The following DGCR2 variants were observed in gnomAD, a reference collection of about 807,000 sequenced individuals.
DGCR2 encodes DiGeorge syndrome critical region gene 2.
Under a neutral mutation model 51.6 loss-of-function variants are expected in DGCR2, and 24 were observed. That is an observed-to-expected ratio of 0.47 (90% confidence interval 0.34 to 0.65). The LOEUF (loss-of-function observed/expected upper bound fraction) is 0.65, where lower values mean the gene tolerates loss of function less well. Among genes scored for constraint, DGCR2 ranks in the 30% least tolerant of loss-of-function variants. DGCR2 has a pLI of 0.01. For synonymous variants in DGCR2, 340 were observed against 315.4 expected (o/e 1.08, Z -0.82); for missense variants, 765 against 772.1 (o/e 0.99, Z 0.11).
intron 1 of DGCR2, among the ~76,000 whole-genome samples, chr22:19,096,958 A>T (rs1237875390): frequency 6.6e-6 from 1 of 152,012 alleles, no homozygotes; most frequent in Non-Finnish European, 1.5e-5. Flanking sequence ...ACAGCCCTCC[A>T]AATCTACGCC....
intron 1 of DGCR2, among the ~76,000 whole-genome samples, chr22:19,090,050 A>AT (rs1341770405): frequency 6.6e-6 from 1 of 152,234 alleles, no homozygotes; most frequent in East Asian, 1.9e-4. Context: ...TTACCTAGAG[A>AT]TAAAAACTGT....
intron 9 of DGCR2, among the ~76,000 whole-genome samples, chr22:19,039,859 G>A (rs1028288359): frequency 6.6e-6 from 1 of 152,080 alleles, no homozygotes; most frequent in Admixed American, 6.5e-5. Flanking sequence ...GACTACAGCT[G>A]TGCCCACTAT....
In DGCR2 at chr22:19,048,404, G is replaced by T. The variant is rs763481561; in HGVS notation, c.1006+36C>A. 197 of 1,610,688 alleles carry T rather than the reference G, an allele frequency of 1.2e-4. 1 individual carries two copies. The South Asian group carries it at 2.1e-3, about 17-fold the overall frequency. The stretch of plus-strand genomic sequence containing the variant: ...ACGCCCAGCCTCCAGCCCCAAATAG[G>T]GAGGCTGACTTGGGACGTCCTATCA... On this transcript the variant is annotated intron_variant, in intron 7 of 9. Coordinates refer to ENST00000263196, the MANE Select transcript of DGCR2 (RefSeq NM_005137.3).
chr22:19,111,471 T>C (rs1347233940), intron 1 of DGCR2, among the ~76,000 whole-genome samples: 1 of 152,232 alleles, frequency 6.6e-6, no homozygotes, highest in Non-Finnish European at 1.5e-5. Flanking sequence ...CTGAGTTTCC[T>C]GTTCTTGCTT....
At chr22:19,064,757 C>T (rs548262166) in intron 4 of DGCR2, 91 bp downstream of exon 4, 13 of 1,270,712 alleles carry the variant, frequency 1.0e-5, no homozygotes, top group East Asian at 9.3e-5. Context: ...GCCAGCTGTG[C>T]TCCAGGAGTT....
At chr22:19,091,728 A>G (rs2854656) in intron 1 of DGCR2, among the ~76,000 whole-genome samples, 20,001 of 151,806 alleles carry the variant, frequency 0.13, 2,205 homozygotes, top group African/African-American at 0.3. Flanking sequence ...CCTGGCCAAC[A>G]TGGTGAATGG....
chr22:19,082,926 G>A (rs73158832), intron 2 of DGCR2, among the ~76,000 whole-genome samples: 28,820 of 151,702 alleles, frequency 0.19, 2,937 homozygotes, highest in South Asian at 0.31. Context: ...CCGATTCTAC[G>A]AAAACATGCA....
chr22:19,062,597 A>G (rs2238747), intron 5 of DGCR2, among the ~76,000 whole-genome samples: 64,369 of 151,680 alleles, frequency 0.42, 14,058 homozygotes, highest in African/African-American at 0.53. Context: ...CAGCTGGAGA[A>G]GGCACTGCTG....
chr22:19,040,331 A>G (rs971544270), intron 9 of DGCR2, among the ~76,000 whole-genome samples: 7 of 152,252 alleles, frequency 4.6e-5, no homozygotes, highest in Non-Finnish European at 8.8e-5. Flanking sequence ...CCCCAGCCTC[A>G]CAATGCCCAT....
At position 19,057,145 on chromosome 22, in the gene DGCR2, G is replaced by C; in HGVS notation, c.643C>G (p.Leu215Val). The change falls in exon 6 of 10, where the codon CTG becomes GTG. Residue 215 changes from leucine (L) to valine (V), a missense_variant. By Grantham distance (32) the Leu-to-Val change is conservative (BLOSUM62 1). Transcript: ENST00000263196. This position sits in a 1 kb window ranked among gnomAD's most constrained non-coding sequence, Gnocchi z 5.1. ...GAGGCAAAGATGGGGTCTGGGGGCA[G>C]GAACACCTCTGAAGAGCCTGTTGGG... ...VAFKGSSEVF[L>V]PPDPIFASAM... 1.2e-6 allele frequency: 2 copies of C among 1,606,606 alleles called. No homozygotes were observed. The highest frequency in any genetic ancestry group is 8.5e-7 in the Non-Finnish European group (1 of 1,176,626).
At chr22:19,082,803 G>A (rs962745574) in intron 2 of DGCR2, among the ~76,000 whole-genome samples, 2 of 151,764 alleles carry the variant, frequency 1.3e-5, no homozygotes, top group Middle Eastern at 3.4e-3. Context: ...AAAGAAAAAG[G>A]TGGCTGGGCG....
intron 6 of DGCR2, among the ~76,000 whole-genome samples, chr22:19,051,174 G>A: frequency 8.7e-6 from 1 of 114,404 alleles, no homozygotes; most frequent in South Asian, 3.3e-4. Context: ...GGGCAACAGA[G>A]TGAAATTCTG....
At chr22:19,105,961 G>A (rs533302681) in intron 1 of DGCR2, among the ~76,000 whole-genome samples, 7 of 152,066 alleles carry the variant, frequency 4.6e-5, no homozygotes, top group Admixed American at 6.6e-5. Context: ...CCTGAAGCCC[G>A]TCTAGCCCCT....
chr22:19,051,354 G>A (rs1041947916), intron 6 of DGCR2, among the ~76,000 whole-genome samples: 2 of 152,226 alleles, frequency 1.3e-5, no homozygotes, highest in Admixed American at 6.5e-5. Context: ...ATGAAGGCAA[G>A]CTACAGACTA....
chr22:19,091,094 C>A (rs2793075), intron 1 of DGCR2, among the ~76,000 whole-genome samples: 62,664 of 152,080 alleles, frequency 0.41, 13,357 homozygotes, highest in African/African-American at 0.53. Context: ...TCATTCCTGT[C>A]ATCTCCATAA....
intron 1 of DGCR2, among the ~76,000 whole-genome samples, chr22:19,120,328 C>T (rs1361852141): frequency 5.9e-5 from 9 of 152,202 alleles, no homozygotes; most frequent in African/African-American, 1.9e-4. Context: ...CACTGCTTCA[C>T]AGGTACAAAA....
chr22:19,052,440 A>ACACACAC (rs60103589), intron 6 of DGCR2, among the ~76,000 whole-genome samples: 1 of 144,404 alleles, frequency 6.9e-6, no homozygotes, highest in Admixed American at 6.9e-5. Context: ...ACACACACAC[A>ACACACAC]AAAGAAAAAA....
chr22:19,067,016 C>T (rs2082757266), intron 3 of DGCR2, among the ~76,000 whole-genome samples: 1 of 152,244 alleles, frequency 6.6e-6, no homozygotes. Flanking sequence ...ATCACCAGGA[C>T]ATGTCCAGCC....
intron 1 of DGCR2, among the ~76,000 whole-genome samples, chr22:19,093,365 A>G (rs1353014791): frequency 6.6e-6 from 1 of 151,904 alleles, no homozygotes; most frequent in Non-Finnish European, 1.5e-5. Flanking sequence ...CACCTCGAAA[A>G]AAAAAAAAAA....
Sources: gnomAD v4.1 joint callset for allele counts (sites outside exome capture counted in the v4.1 genomes callset) on GRCh38, gnomAD v4.1.1 for gene constraint, Gnocchi (gnomAD v3.1) non-coding constraint, MANE v1.5 for transcripts, NCBI Gene and HGNC (gene_info 2026-07-23, HGNC 2026-07-21) for gene names.